The following ABAT variants were observed in gnomAD, a reference collection of about 807,000 sequenced individuals.
ABAT encodes the protein 4-aminobutyrate aminotransferase.
A neutral mutation model predicts 64.6 loss-of-function variants in ABAT; 45 were observed. The ratio of observed to expected loss-of-function variants is 0.70; its 90% CI spans 0.55 to 0.89. ABAT has a LOEUF of 0.89. ABAT is among the 40% of genes least tolerant of loss of function. The probability of loss-of-function intolerance (pLI) is 0.00; values close to 1 mark genes in which losing one functional copy is unlikely to be tolerated. For synonymous variants in ABAT, 297 were observed against 250.5 expected (o/e 1.19, Z -1.75); for missense variants, 633 against 658.4 (o/e 0.96, Z 0.42).
intron 1 of ABAT, among the ~76,000 whole-genome samples, chr16:8,725,524 T>C (rs1422325930): frequency 6.6e-6 from 1 of 152,264 alleles, no homozygotes; most frequent in Non-Finnish European, 1.5e-5. Flanking sequence ...TTGAGATTTA[T>C]CCATGTTGTA....
In ABAT at chr16:8,734,275, A is replaced by G. The variant is rs570555803; in HGVS notation, c.-41-1424A>G. On this transcript the variant is annotated intron_variant, in intron 1 of 15. Coordinates refer to ENST00000268251, the MANE Select transcript of ABAT (RefSeq NM_020686.6). ...TAATGATGCCCTTGTTTATGTTATG[A>G]TTCATTTCATTCTCTTTGTTCCTCA... 2.0e-5 allele frequency among the ~76,000 whole-genome samples: 3 copies of G among 152,234 alleles called. No homozygotes were observed. In the South Asian group the frequency reaches 6.2e-4, roughly 32 times the overall value.
At chr16:8,700,911 CT>C (rs1174749864) in intron 1 of ABAT, among the ~76,000 whole-genome samples, 2,506 of 131,480 alleles carry the variant, frequency 0.019, 13 homozygotes, top group African/African-American at 0.022. Context: ...GGCCTTAATT[CT>C]TTTTTTTTTT....
intron 1 of ABAT, among the ~76,000 whole-genome samples, chr16:8,704,507 C>A (rs1299115178): frequency 6.6e-6 from 1 of 152,160 alleles, no homozygotes; most frequent in Non-Finnish European, 1.5e-5. Context: ...GAATCAGAAA[C>A]TACAAAAAGG....
intron 14 of ABAT, among the ~76,000 whole-genome samples, chr16:8,778,871 A>G (rs2060346620): frequency 6.6e-6 from 1 of 152,184 alleles, no homozygotes; most frequent in Non-Finnish European, 1.5e-5. Flanking sequence ...TATTTCTGCG[A>G]AGACCTTATT....
rs757056947 is a variant in ABAT, at chr16:8,764,793, A to G, written c.503A>G (p.Asn168Ser). 1.2e-6 allele frequency: 2 copies of G among 1,614,046 alleles called. No individual in the cohort carries two copies. The highest frequency in any genetic ancestry group is 1.1e-5 in the South Asian group (1 of 91,066). Residue 168 changes from asparagine (N) to serine (S), a missense_variant, in exon 8 of 16, where the codon AAT (asparagine) becomes AGT (serine). Asn to Ser is a conservative substitution (Grantham distance 46, BLOSUM62 1). Transcript: ENST00000268251. This position sits in a 1 kb window ranked among gnomAD's most constrained non-coding sequence, Gnocchi z 4.2. ...ACCATGGCCTGCGGCTCCTGCTCCAATGAAAACGCCTTAAAGACCATCTTC... is the reference window on the plus strand; with the variant it reads ...ACCATGGCCTGCGGCTCCTGCTCCAGTGAAAACGCCTTAAAGACCATCTTC... Reference protein sequence around the residue: ...LITMACGSCSNENALKTIFMW... With the variant: ...LITMACGSCSSENALKTIFMW...
At chr16:8,726,306 G>T (rs2058553545) in intron 1 of ABAT, among the ~76,000 whole-genome samples, 1 of 137,668 alleles carries the variant, frequency 7.3e-6, no homozygotes, top group Non-Finnish European at 1.5e-5. Flanking sequence ...TGTTGCCCAG[G>T]CTGGAGTGCA....
chr16:8,744,052 G>A (rs2059260216), intron 2 of ABAT, among the ~76,000 whole-genome samples: 1 of 152,012 alleles, frequency 6.6e-6, no homozygotes, highest in South Asian at 2.1e-4. Flanking sequence ...GATTCACCCG[G>A]GAAATCAAAC....
chr16:8,736,727 A>C (rs1364192963), intron 2 of ABAT: 2 of 152,184 alleles, frequency 1.3e-5, no homozygotes, highest in Non-Finnish European at 2.9e-5. Flanking sequence ...AGGGAGGCTC[A>C]AGTGAATCCT....
At chr16:8,755,530 G>A (rs2059624534) in intron 5 of ABAT, among the ~76,000 whole-genome samples, 2 of 152,180 alleles carry the variant, frequency 1.3e-5, no homozygotes, top group Admixed American at 1.3e-4. Context: ...GCCCTGTTGT[G>A]CTCCAACCTT....
chr16:8,728,983 C>G (rs4984997), intron 1 of ABAT, among the ~76,000 whole-genome samples: 128,866 of 152,170 alleles, frequency 0.85, 54,704 homozygotes, highest in Admixed American at 0.9. Context: ...CTGTGAACTA[C>G]GTCATTTTTA....
At position 8,727,037 on chromosome 16, in the gene ABAT, T is replaced by G. The variant is rs183179324; in HGVS notation, c.-41-8662T>G. 2.7e-4 allele frequency among the ~76,000 whole-genome samples: 41 copies of G among 152,332 alleles called. No homozygotes were observed. The East Asian group carries it at 6.8e-3, about 25-fold the overall frequency. ...TCTTTTGTCCATTTTTTGATCGAATTATGAGATTTTTTTCTATAGAGTTGT... is the reference window on the plus strand; with the variant it reads ...TCTTTTGTCCATTTTTTGATCGAATGATGAGATTTTTTTCTATAGAGTTGT... On this transcript the variant is annotated intron_variant, in intron 1 of 15. Coordinates refer to ENST00000268251, the MANE Select transcript of ABAT (RefSeq NM_020686.6).
chr16:8,683,739 A>G (rs1358996241), intron 1 of ABAT, among the ~76,000 whole-genome samples: 1 of 152,202 alleles, frequency 6.6e-6, no homozygotes, highest in Admixed American at 6.5e-5. Context: ...TCATCCAACC[A>G]GTGTTTATTG....
chr16:8,696,619 C>CA (rs967104865), intron 1 of ABAT, among the ~76,000 whole-genome samples: 1 of 150,630 alleles, frequency 6.6e-6, no homozygotes, highest in Admixed American at 6.6e-5. Context: ...GACTCTGTCT[C>CA]AAAAAAAAAT....
intron 1 of ABAT, among the ~76,000 whole-genome samples, chr16:8,688,635 C>G (rs1205243188): frequency 6.6e-6 from 1 of 152,158 alleles, no homozygotes; most frequent in Non-Finnish European, 1.5e-5. Flanking sequence ...AAATAGTCAC[C>G]AAGGCCAGGG....
At chr16:8,751,654 T>C (rs9922301) in intron 5 of ABAT, among the ~76,000 whole-genome samples, 3,669 of 152,106 alleles carry the variant, frequency 0.024, 152 homozygotes, top group African/African-American at 0.082. Flanking sequence ...ACTCGTATAA[T>C]CTCCTCGGAA....
At chr16:8,780,610 A>C (rs923849614) in intron 15 of ABAT, 2 of 159,308 alleles carry the variant, frequency 1.3e-5, no homozygotes, top group Non-Finnish European at 2.8e-5. Flanking sequence ...GAAAATACAA[A>C]AATTAGCTGG....
intron 1 of ABAT, among the ~76,000 whole-genome samples, chr16:8,692,144 G>T (rs534022230): frequency 6.6e-6 from 1 of 152,128 alleles, no homozygotes; most frequent in African/African-American, 2.4e-5. Context: ...ACTTTGGGAC[G>T]CCAAGGTGGG....
At chr16:8,761,352 G>A (rs1450196574) in intron 6 of ABAT, among the ~76,000 whole-genome samples, 2 of 152,152 alleles carry the variant, frequency 1.3e-5, no homozygotes, top group African/African-American at 4.8e-5. Flanking sequence ...TGCCGCGTGT[G>A]GAACCCTTCC....
chr16:8,731,564 G>A (rs370340374), intron 1 of ABAT: 21 of 151,962 alleles, frequency 1.4e-4, no homozygotes, highest in East Asian at 1.2e-3. Flanking sequence ...TGGAAGCCGT[G>A]GTAGTTGTCT....
Sources: allele counts gnomAD v4.1 joint callset (sites outside exome capture counted in the v4.1 genomes callset), GRCh38; gene constraint gnomAD v4.1.1; non-coding constraint Gnocchi (gnomAD v3.1); transcripts MANE v1.5; gene names NCBI Gene and HGNC (gene_info 2026-07-23, HGNC 2026-07-21).